The following ASPRV1 variants were observed in gnomAD, a reference collection of about 807,000 sequenced individuals.
ASPRV1 encodes the protein retroviral-like aspartic protease 1.
In ASPRV1, 7 loss-of-function variants were observed where a neutral mutation model predicts 11.0. That is an observed-to-expected ratio of 0.64 (90% CI 0.36 to 1.20). ASPRV1 has a LOEUF of 1.20. ASPRV1 is among the 50% of genes most tolerant of loss of function. The pLI, the probability that ASPRV1 is intolerant of heterozygous loss-of-function variation, is 0.02. For missense variants in ASPRV1, 299 were observed against 320.0 expected, an observed-to-expected ratio of 0.93 and a Z score of 0.50; for synonymous variants, 136 against 138.4, an observed-to-expected ratio of 0.98 and a Z score of 0.12.
the ASPRV1 span, among the ~76,000 whole-genome samples, chr2:70,036,546 T>C: frequency 6.6e-6 from 1 of 152,130 alleles, no homozygotes; most frequent in Non-Finnish European, 1.5e-5. Context: ...TCACTGATAA[T>C]GCCAAGGTGT....
At chr2:70,000,904 C>T in the ASPRV1 span, among the ~76,000 whole-genome samples, 1 of 150,180 alleles carries the variant, frequency 6.7e-6, no homozygotes, top group South Asian at 2.1e-4. Context: ...GTAAAAGAGT[C>T]CAAGTAATAA....
At chr2:70,041,054 G>C in the ASPRV1 span, among the ~76,000 whole-genome samples, 1 of 152,232 alleles carries the variant, frequency 6.6e-6, no homozygotes, top group African/African-American at 2.4e-5. Context: ...GGTGGGGCTT[G>C]TCTACGGAGA....
chr2:70,069,967 A>G, the ASPRV1 span, among the ~76,000 whole-genome samples: 1 of 152,142 alleles, frequency 6.6e-6, no homozygotes, highest in East Asian at 1.9e-4. Flanking sequence ...TGTTATTTTT[A>G]AAAGGCATAC....
the ASPRV1 span, among the ~76,000 whole-genome samples, chr2:70,024,360 G>T: frequency 1.4e-4 from 22 of 152,194 alleles, no homozygotes; most frequent in Non-Finnish European, 2.8e-4. Flanking sequence ...TCGTTCATTA[G>T]TTGCAGTCTT....
At chr2:70,029,468 ATC>A in the ASPRV1 span, among the ~76,000 whole-genome samples, 1 of 151,948 alleles carries the variant, frequency 6.6e-6, no homozygotes, top group Admixed American at 6.6e-5. Context: ...GTGAAACCCC[ATC>A]TCTGCTAAAA....
chr2:69,951,817 CTACT>C, the ASPRV1 span, among the ~76,000 whole-genome samples: 2 of 152,034 alleles, frequency 1.3e-5, no homozygotes, highest in South Asian at 2.1e-4. Context: ...TATGTCTCCT[CTACT>C]TACTTGATGA....
chr2:70,052,495 G>A, the ASPRV1 span, among the ~76,000 whole-genome samples: 1 of 152,138 alleles, frequency 6.6e-6, no homozygotes, highest in Admixed American at 6.6e-5. Context: ...TACTGAGTAA[G>A]GGTCCAGGCT....
the ASPRV1 span, among the ~76,000 whole-genome samples, chr2:70,079,774 A>AT: frequency 2.6e-5 from 4 of 152,378 alleles, no homozygotes; most frequent in Non-Finnish European, 4.4e-5. Context: ...TATTCCACGC[A>AT]TAACACTTTT....
chr2:70,028,315 G>C, the ASPRV1 span: 1 of 152,094 alleles, frequency 6.6e-6, no homozygotes, highest in Non-Finnish European at 1.5e-5. Context: ...ACCCACAATT[G>C]ATTCATTTCA....
At chr2:69,944,238 C>A in the ASPRV1 span, among the ~76,000 whole-genome samples, 1 of 152,252 alleles carries the variant, frequency 6.6e-6, no homozygotes, top group Non-Finnish European at 1.5e-5. Context: ...AGAAAGACAG[C>A]TTTCACATAA....
At chr2:70,086,385 G>A in the ASPRV1 span, 1 of 152,260 alleles carries the variant, frequency 6.6e-6, no homozygotes, top group Non-Finnish European at 1.5e-5. Context: ...GCCCTTTCTG[G>A]TCTGGCTTAG....
chr2:70,009,310 T>TATTATTTA, the ASPRV1 span, among the ~76,000 whole-genome samples: 118 of 104,924 alleles, frequency 1.1e-3, no homozygotes, highest in African/African-American at 5.7e-3. Context: ...TAATTTATTG[T>TATTATTTA]CTTATTTATT....
the ASPRV1 span, among the ~76,000 whole-genome samples, chr2:70,034,154 TAAAAAAAAA>T: frequency 1.7e-3 from 121 of 69,234 alleles, no homozygotes; most frequent in Admixed American, 2.7e-3. Flanking sequence ...CTCCATCTCA[TAAAAAAAAA>T]AAAAAAAAAA....
At chr2:69,954,948 T>G in the ASPRV1 span, among the ~76,000 whole-genome samples, 1 of 152,186 alleles carries the variant, frequency 6.6e-6, no homozygotes, top group Non-Finnish European at 1.5e-5. Flanking sequence ...GTCACCACAG[T>G]CCAGCTCAGA....
At chr2:70,046,983 A>G in the ASPRV1 span, among the ~76,000 whole-genome samples, 1 of 152,198 alleles carries the variant, frequency 6.6e-6, no homozygotes, top group Admixed American at 6.6e-5. Context: ...TGAGGGACAT[A>G]ATAATTTTTC....
the ASPRV1 span, among the ~76,000 whole-genome samples, chr2:69,996,214 CAAAAAAAAAA>C: frequency 3.7e-5 from 2 of 53,890 alleles, no homozygotes; most frequent in Admixed American, 2.7e-4. Flanking sequence ...CCCCATCTCT[CAAAAAAAAAA>C]AAAAAAAAAA....
the ASPRV1 span, chr2:69,988,535 T>C: frequency 3.1e-6 from 1 of 324,408 alleles, no homozygotes; most frequent in South Asian, 2.5e-5. Context: ...TGGTGGGTAG[T>C]GGGAGTTAGT....
the ASPRV1 span, among the ~76,000 whole-genome samples, chr2:70,017,743 GAAAC>G: frequency 4.6e-5 from 7 of 151,964 alleles, no homozygotes; most frequent in East Asian, 3.9e-4. Context: ...TTAAAAAAAA[GAAAC>G]AAAATCAACA....
the ASPRV1 span, chr2:70,055,971 A>C: frequency 2.0e-5 from 3 of 152,180 alleles, no homozygotes; most frequent in African/African-American, 7.2e-5. Flanking sequence ...ATGAATGGCT[A>C]AACTATGATG....
Sources: gnomAD v4.1 joint callset for allele counts (sites outside exome capture counted in the v4.1 genomes callset) on GRCh38, gnomAD v4.1.1 for gene constraint, MANE v1.5 for transcripts, NCBI Gene and HGNC (gene_info 2026-07-23, HGNC 2026-07-21) for gene names.